The following PPP1R16B variants were observed in gnomAD, a reference collection of about 807,000 sequenced individuals.
PPP1R16B encodes protein phosphatase 1 regulatory subunit 16B, also known as protein phosphatase 1 regulatory inhibitor subunit 16B.
A neutral mutation model predicts 61.7 loss-of-function variants in PPP1R16B; 14 were observed. That is an observed-to-expected ratio of 0.23 (90% CI 0.15 to 0.35). The LOEUF is 0.35. Among genes scored for constraint, PPP1R16B ranks in the 10% least tolerant of loss-of-function variants. The pLI is 1.00. For missense variants in PPP1R16B, 547 were observed against 752.5 expected (o/e 0.73, Z 3.19); for synonymous variants, 266 against 305.3 (o/e 0.87, Z 1.34).
intron 10 of PPP1R16B, among the ~76,000 whole-genome samples, chr20:38,908,903 C>G (rs932398573): frequency 6.6e-6 from 1 of 152,202 alleles, no homozygotes; most frequent in Admixed American, 6.5e-5. Flanking sequence ...GTGGCTCAGG[C>G]GTTCTTTGGC....
rs1441080212 is a variant in PPP1R16B at position 38,895,921 on chromosome 20, C to T, written c.467+211C>T. On this transcript the variant is annotated intron_variant, in intron 4 of 10. Coordinates refer to ENST00000299824, the MANE Select transcript of PPP1R16B (RefSeq NM_015568.4). ...TCCCTCCTTCCTTCTTTCTTCCCTCCCTCCCTCCTTCCTTCTTTCTTCCCT... is the reference window on the plus strand; with the variant it reads ...TCCCTCCTTCCTTCTTTCTTCCCTCTCTCCCTCCTTCCTTCTTTCTTCCCT... Among the ~76,000 whole-genome samples, 65 of 84,060 alleles carry T rather than the reference C, an allele frequency of 7.7e-4. 1 individual carries two copies. Among genetic ancestry groups the T allele is most frequent in the South Asian group, 1.4e-3 (3 of 2,078 alleles). The allele number at this position is 84,060 out of a possible 152,430, so 55.1% of individuals were successfully genotyped here. A position where few individuals can be genotyped will look rare whatever the true frequency, so the allele number is the denominator to read the frequency against.
At chr20:38,900,458 C>A (rs2085382581) in intron 4 of PPP1R16B, 123 bp from the exon 5 acceptor site, 4 of 672,158 alleles carry the variant, frequency 6.0e-6, no homozygotes, top group South Asian at 2.0e-5. Context: ...TGGGGTACAC[C>A]TTGGTGGGGT....
At chr20:38,832,453 C>A (rs1484556712) in intron 1 of PPP1R16B, among the ~76,000 whole-genome samples, 1 of 152,122 alleles carries the variant, frequency 6.6e-6, no homozygotes, top group Non-Finnish European at 1.5e-5. Flanking sequence ...GAATTGAACT[C>A]TTTTGAACTC....
chr20:38,869,361 G>A (rs2085111497), intron 2 of PPP1R16B, among the ~76,000 whole-genome samples: 1 of 152,022 alleles, frequency 6.6e-6, no homozygotes, highest in African/African-American at 2.4e-5. Context: ...ATCTCACCAT[G>A]TTGGTCAAAC....
chr20:38,811,626 T>A (rs2084701261), intron 1 of PPP1R16B, among the ~76,000 whole-genome samples: 1 of 152,232 alleles, frequency 6.6e-6, no homozygotes, highest in South Asian at 2.1e-4. Context: ...ACTCTTTTAG[T>A]CTTCTGTTTC....
At chr20:38,819,563 C>T (rs771296439) in intron 1 of PPP1R16B, among the ~76,000 whole-genome samples, 7 of 152,098 alleles carry the variant, frequency 4.6e-5, no homozygotes, top group East Asian at 1.9e-4. Context: ...CATCCTCTGG[C>T]GCTACTAGTG....
intron 10 of PPP1R16B, among the ~76,000 whole-genome samples, chr20:38,916,229 C>G (rs963113018): frequency 3.3e-5 from 5 of 150,296 alleles, no homozygotes; most frequent in Admixed American, 3.3e-4. Context: ...AATACACACT[C>G]ATAAATGGAA....
At chr20:38,895,941 TTC>T (rs2085337357) in intron 4 of PPP1R16B, among the ~76,000 whole-genome samples, 1 of 79,722 alleles carries the variant, frequency 1.3e-5, no homozygotes, top group Non-Finnish European at 2.4e-5. Flanking sequence ...TCCTTCTTTC[TTC>T]CCTCCCTCCC....
intron 2 of PPP1R16B, among the ~76,000 whole-genome samples, chr20:38,843,169 G>A (rs1340544968): frequency 1.3e-5 from 2 of 152,228 alleles, no homozygotes; most frequent in South Asian, 2.1e-4. Context: ...TACTGTATTC[G>A]AAATTTAAAC....
intron 7 of PPP1R16B, 34 bp downstream of exon 7, chr20:38,906,128 G>A (rs376710179): frequency 3.4e-5 from 54 of 1,600,448 alleles, no homozygotes; most frequent in Middle Eastern, 1.7e-4. Flanking sequence ...GGGGGAGGCC[G>A]GCACAGGGCT....
At chr20:38,886,615 C>G (rs1177371405) in intron 2 of PPP1R16B, among the ~76,000 whole-genome samples, 3 of 152,232 alleles carry the variant, frequency 2.0e-5, no homozygotes, top group Non-Finnish European at 4.4e-5. Flanking sequence ...TGATCAGTGG[C>G]TTTGCCATAA....
At chr20:38,826,583 G>A (rs1050513152) in intron 1 of PPP1R16B, among the ~76,000 whole-genome samples, 2 of 152,182 alleles carry the variant, frequency 1.3e-5, no homozygotes, top group Admixed American at 6.5e-5. Context: ...CTGAGAGAGC[G>A]GCTTCACCCT....
At chr20:38,916,774 CA>C (rs2085544928) in intron 10 of PPP1R16B, among the ~76,000 whole-genome samples, 1 of 152,148 alleles carries the variant, frequency 6.6e-6, no homozygotes, top group South Asian at 2.1e-4. Context: ...TAGCAATTTA[CA>C]TTCTCACTTA....
At chr20:38,858,113 C>A (rs1207406705) in intron 2 of PPP1R16B, among the ~76,000 whole-genome samples, 1 of 152,032 alleles carries the variant, frequency 6.6e-6, no homozygotes, top group Non-Finnish European at 1.5e-5. Flanking sequence ...CTTTTAAGGA[C>A]ACTAATCCCA....
intron 5 of PPP1R16B, among the ~76,000 whole-genome samples, chr20:38,901,820 T>C (rs530971064): frequency 1.3e-5 from 2 of 152,384 alleles, no homozygotes; most frequent in Admixed American, 1.3e-4. Context: ...GAAACTTCGT[T>C]AATTCATTAA....
Position 38,877,444 on chromosome 20 carries a change from G to T in PPP1R16B, c.251-12151G>T, listed in dbSNP as rs546448380. 8.5e-5 allele frequency among the ~76,000 whole-genome samples: 13 copies of T among 152,140 alleles called. No homozygotes were observed. In the East Asian group the frequency reaches 2.5e-3, roughly 29 times the overall value. ...CCACCTCAGCCTCCTGAGTAGCTGG[G>T]ATTACAGGCACCCACCACCACGCCC... On this transcript the variant is annotated intron_variant, in intron 2 of 10. Coordinates refer to ENST00000299824, the MANE Select transcript of PPP1R16B (RefSeq NM_015568.4).
intron 10 of PPP1R16B, among the ~76,000 whole-genome samples, chr20:38,912,750 A>G (rs2085502812): frequency 6.6e-6 from 1 of 152,104 alleles, no homozygotes; most frequent in Non-Finnish European, 1.5e-5. Context: ...TGCACACAAG[A>G]ATTTCAGAAC....
chr20:38,810,850 A>G (rs1484592779), intron 1 of PPP1R16B, among the ~76,000 whole-genome samples: 1 of 152,104 alleles, frequency 6.6e-6, no homozygotes, highest in Non-Finnish European at 1.5e-5. Flanking sequence ...ACAGGAACTC[A>G]CGTCTTGGGG....
intron 2 of PPP1R16B, among the ~76,000 whole-genome samples, chr20:38,888,352 G>A (rs1407829793): frequency 2.0e-5 from 3 of 152,232 alleles, no homozygotes; most frequent in African/African-American, 4.8e-5. Flanking sequence ...GCCAGCTTGT[G>A]TATTCAAGTT....
Sources: gnomAD v4.1 joint callset for allele counts (sites outside exome capture counted in the v4.1 genomes callset) on GRCh38, gnomAD v4.1.1 for gene constraint, MANE v1.5 for transcripts, NCBI Gene and HGNC (gene_info 2026-07-23, HGNC 2026-07-21) for gene names.